The following GRID2 variants were observed in gnomAD, a reference collection of about 807,000 sequenced individuals.
GRID2 encodes glutamate receptor ionotropic, delta-2.
A neutral mutation model predicts 114.8 loss-of-function variants in GRID2; 33 were observed. The ratio of observed to expected loss-of-function variants is 0.29; its 90% CI spans 0.22 to 0.38. The LOEUF (loss-of-function observed/expected upper bound fraction) is 0.38, where lower values mean the gene tolerates loss of function less well. Among genes scored for constraint, GRID2 ranks in the 10% least tolerant of loss-of-function variants. GRID2 has a pLI of 1.00. For synonymous variants in GRID2, 505 were observed against 449.9 expected, an observed-to-expected ratio of 1.12 and a Z score of -1.55; for missense variants, 1,184 against 1,257.7, an observed-to-expected ratio of 0.94 and a Z score of 0.89.
intron 13 of GRID2, among the ~76,000 whole-genome samples, chr4:93,551,496 A>G (rs1344382216): frequency 2.0e-5 from 3 of 152,190 alleles, no homozygotes; most frequent in African/African-American, 4.8e-5. Context: ...AAAGCAAGCC[A>G]TCCAGTGTGG....
chr4:92,745,018 T>G (rs1363693008), intron 2 of GRID2, among the ~76,000 whole-genome samples: 1 of 152,124 alleles, frequency 6.6e-6, no homozygotes, highest in African/African-American at 2.4e-5. Flanking sequence ...ATAAAGTAAA[T>G]GAGAAGATTC....
intron 2 of GRID2, among the ~76,000 whole-genome samples, chr4:92,944,202 G>T (rs536884060): frequency 6.6e-6 from 1 of 152,332 alleles, no homozygotes; most frequent in East Asian, 1.9e-4. Context: ...GAGGCAGGCA[G>T]GCCTCCTTGA....
At chr4:92,377,816 A>G (rs886947876) in intron 1 of GRID2, among the ~76,000 whole-genome samples, 37 of 152,028 alleles carry the variant, frequency 2.4e-4, no homozygotes, top group African/African-American at 8.2e-4. Context: ...CTACTTTACT[A>G]TTACAAGAAT....
At chr4:93,216,990 G>T in intron 6 of GRID2, 79 bp downstream of exon 6, 1 of 929,604 alleles carries the variant, frequency 1.1e-6, no homozygotes, top group Non-Finnish European at 1.7e-6. Context: ...AGTTGCATTG[G>T]ATTCAGAATT....
At chr4:93,599,946 T>G (rs766036473) in intron 13 of GRID2, among the ~76,000 whole-genome samples, 15 of 152,220 alleles carry the variant, frequency 9.9e-5, no homozygotes, top group Admixed American at 5.2e-4. Flanking sequence ...GCATTCATAC[T>G]GCCCTTAAAT....
intron 10 of GRID2, among the ~76,000 whole-genome samples, chr4:93,453,748 T>C (rs1233193564): frequency 1.3e-5 from 2 of 152,096 alleles, no homozygotes; most frequent in Non-Finnish European, 2.9e-5. Flanking sequence ...AGTAAATTCC[T>C]CCTCAGGTGG....
At chr4:92,723,543 A>G (rs80323587) in intron 2 of GRID2, among the ~76,000 whole-genome samples, 3,591 of 152,230 alleles carry the variant, frequency 0.024, 83 homozygotes, top group Admixed American at 0.054. Context: ...TTTTCATGAA[A>G]CTTAAAATCA....
At chr4:92,397,795 A>C (rs1730576495) in intron 1 of GRID2, among the ~76,000 whole-genome samples, 2 of 152,124 alleles carry the variant, frequency 1.3e-5, no homozygotes, top group South Asian at 4.1e-4. Context: ...TAATGAAGAG[A>C]ACATATCAGT....
chr4:92,363,619 A>G (rs1728716686), intron 1 of GRID2, among the ~76,000 whole-genome samples: 1 of 152,016 alleles, frequency 6.6e-6, no homozygotes, highest in African/African-American at 2.4e-5. Context: ...CTATCTTTGA[A>G]TATGCTATTT....
intron 1 of GRID2, among the ~76,000 whole-genome samples, chr4:92,315,319 T>C (rs373866317): frequency 1.3e-5 from 2 of 152,188 alleles, no homozygotes; most frequent in Non-Finnish European, 2.9e-5. Context: ...AATTGATATG[T>C]AAATATGGAA....
intron 2 of GRID2, among the ~76,000 whole-genome samples, chr4:92,911,363 G>A (rs1162238737): frequency 5.3e-5 from 8 of 152,052 alleles, no homozygotes; most frequent in Non-Finnish European, 7.4e-5. Context: ...ATTTAGAGGG[G>A]CATTTATAAT....
At chr4:92,657,342 T>C (rs918628505) in intron 2 of GRID2, among the ~76,000 whole-genome samples, 5 of 151,828 alleles carry the variant, frequency 3.3e-5, no homozygotes, top group African/African-American at 9.6e-5. Flanking sequence ...CTTATATTTA[T>C]TCTTGTTGTT....
chr4:93,421,847 A>G (rs1042338864), intron 9 of GRID2, among the ~76,000 whole-genome samples: 1 of 82,760 alleles, frequency 1.2e-5, no homozygotes, highest in South Asian at 3.5e-4. Context: ...AAAATCATTC[A>G]AAAAAAAAAA....
chr4:92,656,972 AT>A (rs201499852), intron 2 of GRID2, among the ~76,000 whole-genome samples: 41 of 150,938 alleles, frequency 2.7e-4, no homozygotes, highest in Admixed American at 1.4e-3. Flanking sequence ...TATTGCATTT[AT>A]TTTTTTTTCT....
chr4:93,420,757 T>C (rs1349660739), intron 9 of GRID2, among the ~76,000 whole-genome samples: 8 of 151,240 alleles, frequency 5.3e-5, no homozygotes. Context: ...TTTATTTATT[T>C]ATTTATTTAT....
chr4:93,337,229 A>G (rs934368400), intron 8 of GRID2, among the ~76,000 whole-genome samples: 2 of 152,160 alleles, frequency 1.3e-5, no homozygotes, highest in Admixed American at 1.3e-4. Flanking sequence ...TTTATTTTTA[A>G]ACATTTTGAA....
chr4:92,556,450 T>C (rs534219270), intron 1 of GRID2, among the ~76,000 whole-genome samples: 33 of 152,308 alleles, frequency 2.2e-4, no homozygotes, highest in Admixed American at 1.8e-3. Context: ...CTAATTTTCA[T>C]TGGATCATTT....
intron 1 of GRID2, among the ~76,000 whole-genome samples, chr4:92,370,905 A>T (rs909810481): frequency 5.3e-5 from 8 of 152,172 alleles, no homozygotes; most frequent in Non-Finnish European, 1.0e-4. Flanking sequence ...AGTTCTAGAA[A>T]ACGGAACGTT....
chr4:92,539,520 T>G (rs556470092), intron 1 of GRID2, among the ~76,000 whole-genome samples: 1 of 152,276 alleles, frequency 6.6e-6, no homozygotes, highest in East Asian at 1.9e-4. Flanking sequence ...GTTTTTTTGG[T>G]AATTATAATC....
Sources: gnomAD v4.1 joint callset for allele counts (sites outside exome capture counted in the v4.1 genomes callset) on GRCh38, gnomAD v4.1.1 for gene constraint, MANE v1.5 for transcripts, NCBI Gene and HGNC (gene_info 2026-07-23, HGNC 2026-07-21) for gene names.